ZFP64: variants seen among roughly 807,000 people sequenced by gnomAD.
The protein encoded by ZFP64 is zinc finger protein 64.
ZFP64 carries 14 observed loss-of-function variants against 51.6 expected under a neutral mutation model. The ratio of observed to expected loss-of-function variants is 0.27; its 90% confidence interval spans 0.18 to 0.42. The LOEUF is 0.42. ZFP64 is among the 10% of genes least tolerant of loss of function. The pLI is 1.00. For missense variants in ZFP64, 754 were observed against 906.8 expected (o/e 0.83, Z 2.16); for synonymous variants, 375 against 361.4 (o/e 1.04, Z -0.43).
chr20:52,097,346 G>C (rs1156420355), intron 7 of ZFP64: 4 of 1,605,904 alleles, frequency 2.5e-6, no homozygotes, highest in Non-Finnish European at 3.4e-6. Context: ...CTTTCTTACT[G>C]AGCTGTTGAA....
At chr20:52,131,437 T>C (rs772614208) in intron 5 of ZFP64, among the ~76,000 whole-genome samples, 24 of 152,112 alleles carry the variant, frequency 1.6e-4, no homozygotes, top group Non-Finnish European at 3.2e-4. Flanking sequence ...AATGGTTGAA[T>C]AGATTAAAAA....
intron 5 of ZFP64, among the ~76,000 whole-genome samples, chr20:52,105,843 TG>T (rs1978310716): frequency 2.6e-5 from 4 of 152,090 alleles, no homozygotes; most frequent in African/African-American, 9.6e-5. Flanking sequence ...GGCACTGGGA[TG>T]TTTTTTTAAA....
At position 52,160,223 on chromosome 20, in the gene ZFP64, G is replaced by A; in HGVS notation, c.663C>T (p.His221=). Reference sequence around the variant, plus strand: ...GCCGCTCGTCCGAGTGGATCCTCAGGTGCTTGTTGAGGCTGCTGCTGTCGG... The same window carrying A: ...GCCGCTCGTCCGAGTGGATCCTCAGATGCTTGTTGAGGCTGCTGCTGTCGG... ...AAADSSSLNK[H]LRIHSDERPF... The change falls in exon 5 of 6, where the codon CAC becomes CAT. Residue 221 remains histidine, a synonymous_variant. Coordinates refer to ENST00000216923, the MANE Select transcript of ZFP64 (RefSeq NM_018197.3). This position sits in a 1 kb window ranked among gnomAD's most constrained non-coding sequence, Gnocchi z 4.2. 2 of 1,614,206 alleles carry A rather than the reference G, an allele frequency of 1.2e-6. No individual in the cohort carries two copies. The highest frequency in any genetic ancestry group is 1.7e-6 in the Non-Finnish European group (2 of 1,180,038).
At chr20:52,108,926 T>TGAAATG in intron 5 of ZFP64, among the ~76,000 whole-genome samples, 1 of 150,804 alleles carries the variant, frequency 6.6e-6, no homozygotes, top group East Asian at 1.9e-4. Flanking sequence ...TCTACAGATA[T>TGAAATG]AAATGAAAGC....
chr20:52,131,267 AAG>A lies in ZFP64; in HGVS notation c.763+28854_763+28855del, dbSNP rs551301631. On this transcript the variant is annotated intron_variant, in intron 5 of 8. Transcript: ENST00000361387. Reference sequence around the variant, plus strand: ...AGGAAGGAAGAAAAAGAAAAAGGAAAAGAGAGAGAAGAAAGAAAAGAAAGAAA... The same window carrying A: ...AGGAAGGAAGAAAAAGAAAAAGGAAAAGAGAGAAGAAAGAAAAGAAAGAAA... Among the ~76,000 whole-genome samples, 173 of 151,934 alleles carry A rather than the reference AAG, an allele frequency of 1.1e-3. 1 individual carries two copies. Among genetic ancestry groups the A allele is most frequent in the African/African-American group, 2.6e-3 (108 of 41,480 alleles).
chr20:52,127,180 G>T (rs1362917179), intron 5 of ZFP64, among the ~76,000 whole-genome samples: 4 of 152,038 alleles, frequency 2.6e-5, no homozygotes, highest in Non-Finnish European at 5.9e-5. Context: ...TCAATCTCCT[G>T]ACCTCATGAT....
At chr20:52,120,758 C>A (rs1343162685) in intron 5 of ZFP64, among the ~76,000 whole-genome samples, 1 of 146,878 alleles carries the variant, frequency 6.8e-6, no homozygotes. Context: ...CTCACTGCAA[C>A]CTCCATCTTC....
At chr20:52,131,857 A>G (rs538409795) in intron 5 of ZFP64, among the ~76,000 whole-genome samples, 6 of 152,336 alleles carry the variant, frequency 3.9e-5, no homozygotes, top group African/African-American at 1.4e-4. Context: ...AATCTGCACT[A>G]TAGACTAAAT....
intron 5 of ZFP64, among the ~76,000 whole-genome samples, chr20:52,154,533 G>C (rs886223644): frequency 1.3e-5 from 2 of 152,098 alleles, no homozygotes; most frequent in East Asian, 1.9e-4. Flanking sequence ...ACAAGACTGG[G>C]ATGGTGTTCC....
chr20:52,146,892 T>C (rs1980556731), downstream of ZFP64, among the ~76,000 whole-genome samples: 1 of 152,176 alleles, frequency 6.6e-6, no homozygotes, highest in Non-Finnish European at 1.5e-5. Flanking sequence ...GGAAGAATAA[T>C]TCAACATGAC....
intron 5 of ZFP64, chr20:52,110,733 A>C (rs1409697821): frequency 1.3e-6 from 2 of 1,596,154 alleles, no homozygotes; most frequent in Admixed American, 1.7e-5. Flanking sequence ...TAACTGCCCC[A>C]GTACATGGGA....
intron 5 of ZFP64, chr20:52,111,049 T>C (rs1187588791): frequency 2.2e-6 from 3 of 1,365,172 alleles, no homozygotes; most frequent in Non-Finnish European, 2.1e-6. Context: ...GCTGCTGCCA[T>C]GCGGAGCGGA....
chr20:52,183,098 A>G lies in ZFP64; in HGVS notation c.286+3734T>C, dbSNP rs553211398. On this transcript the variant is annotated intron_variant, in intron 2 of 5. Coordinates refer to ENST00000216923, the MANE Select transcript of ZFP64 (RefSeq NM_018197.3). ...TCTGAGCCTGGAGGAAATGTGGCTC[A>G]TTCCAGAAACAGAAAGGAGTTCATC... 2.0e-5 allele frequency among the ~76,000 whole-genome samples: 3 copies of G among 152,300 alleles called. No individual in the cohort carries two copies. The East Asian group carries it at 5.8e-4, about 29-fold the overall frequency.
intron 5 of ZFP64, among the ~76,000 whole-genome samples, chr20:52,116,440 T>G (rs1463888789): frequency 2.1e-5 from 3 of 142,906 alleles, no homozygotes; most frequent in African/African-American, 7.7e-5. Flanking sequence ...CTGGCCATAT[T>G]TCTTTCTTTT....
chr20:52,178,144 CCCT>C (rs1308519334), intron 2 of ZFP64, among the ~76,000 whole-genome samples: 1 of 152,172 alleles, frequency 6.6e-6, no homozygotes, highest in African/African-American at 2.4e-5. Flanking sequence ...TGCTCAGACC[CCCT>C]AATATATTAT....
At chr20:52,140,472 C>T (rs1470085388) in intron 5 of ZFP64, among the ~76,000 whole-genome samples, 1 of 152,182 alleles carries the variant, frequency 6.6e-6, no homozygotes, top group Non-Finnish European at 1.5e-5. Context: ...ATGTGAAGAA[C>T]GTTTGAGTGG....
intron 5 of ZFP64, among the ~76,000 whole-genome samples, chr20:52,104,057 AG>A (rs1454858788): frequency 6.6e-6 from 1 of 152,192 alleles, no homozygotes; most frequent in Non-Finnish European, 1.5e-5. Context: ...GGGGGAGAAG[AG>A]GAAGTCCAGT....
chr20:52,098,290 C>G, intron 6 of ZFP64: 2 of 1,123,758 alleles, frequency 1.8e-6, no homozygotes, highest in Non-Finnish European at 2.5e-6. Flanking sequence ...CTTAGGCCCC[C>G]CAGGGAAGGC....
chr20:52,148,061 G>C (rs572185381), downstream of ZFP64, among the ~76,000 whole-genome samples: 11 of 152,190 alleles, frequency 7.2e-5, no homozygotes, highest in South Asian at 2.3e-3. Flanking sequence ...ATCTCCAAAA[G>C]GTTTTCTTTT....
Sources: allele counts gnomAD v4.1 joint callset (sites outside exome capture counted in the v4.1 genomes callset), GRCh38; gene constraint gnomAD v4.1.1; non-coding constraint Gnocchi (gnomAD v3.1); transcripts MANE v1.5; gene names NCBI Gene and HGNC (gene_info 2026-07-23, HGNC 2026-07-21).